ROBO2: variants seen among roughly 807,000 people sequenced by gnomAD.
ROBO2 encodes the protein roundabout guidance receptor 2, also known as roundabout homolog 2.
In ROBO2, 53 loss-of-function variants were observed where a neutral mutation model predicts 160.8. That is an observed-to-expected ratio of 0.33 (90% CI 0.26 to 0.41). ROBO2 has a LOEUF of 0.41. Among genes scored for constraint, ROBO2 ranks in the 10% least tolerant of loss-of-function variants. The probability of loss-of-function intolerance (pLI) is 1.00; values close to 1 mark genes in which losing one functional copy is unlikely to be tolerated. For synonymous variants in ROBO2, 664 were observed against 611.7 expected (o/e 1.09, Z -1.26); for missense variants, 1,577 against 1,722.4 (o/e 0.92, Z 1.49).
chr3:76,554,613 CCTTTA>C (rs1284294796), intron 2 of ROBO2, among the ~76,000 whole-genome samples: 3 of 151,750 alleles, frequency 2.0e-5, no homozygotes, highest in Admixed American at 1.3e-4. Context: ...CTCTCATCTT[CCTTTA>C]CTTTACTGTG....
At chr3:76,622,182 AAAAAAAAG>A (rs151225530) in intron 2 of ROBO2, among the ~76,000 whole-genome samples, 40,824 of 124,372 alleles carry the variant, frequency 0.33, 9,891 homozygotes, top group South Asian at 0.44. Flanking sequence ...CATATCTACT[AAAAAAAAG>A]AAAGGAAGGA....
At chr3:77,487,128 G>A (rs77304592) in intron 4 of ROBO2, among the ~76,000 whole-genome samples, 2,693 of 152,162 alleles carry the variant, frequency 0.018, 74 homozygotes, top group African/African-American at 0.059. Context: ...CAGAGATAAC[G>A]CTATGAGAGA....
At chr3:77,172,910 C>T (rs1346434595) in intron 2 of ROBO2, among the ~76,000 whole-genome samples, 2 of 152,198 alleles carry the variant, frequency 1.3e-5, no homozygotes, top group Non-Finnish European at 2.9e-5. Context: ...GAATTGTGAC[C>T]CTCCTACTTG....
chr3:77,123,291 AC>A (rs2074968319), intron 2 of ROBO2, among the ~76,000 whole-genome samples: 1 of 152,126 alleles, frequency 6.6e-6, no homozygotes, highest in South Asian at 2.1e-4. Flanking sequence ...AGACCTTATC[AC>A]CCAGGCAAAT....
chr3:77,522,310 G>GT (rs1227861061), intron 5 of ROBO2, among the ~76,000 whole-genome samples: 7 of 151,098 alleles, frequency 4.6e-5, no homozygotes, highest in African/African-American at 1.7e-4. Flanking sequence ...TGCCCATTTT[G>GT]TCAATTTGCC....
chr3:77,289,109 A>G (rs182809572), intron 2 of ROBO2, among the ~76,000 whole-genome samples: 30 of 152,302 alleles, frequency 2.0e-4, no homozygotes, highest in Non-Finnish European at 1.5e-5. Context: ...TGTGGATTGT[A>G]CAGTCTAGTG....
At position 76,962,335 on chromosome 3, in the gene ROBO2, A is replaced by C. The variant is rs377252875; in HGVS notation, c.110-135679A>C. 3.5e-4 allele frequency among the ~76,000 whole-genome samples: 53 copies of C among 152,022 alleles called. No homozygotes were observed. In the South Asian group the frequency reaches 3.7e-3, roughly 11 times the overall value. On this transcript the variant is annotated intron_variant, in intron 2 of 26. Coordinates refer to the ROBO2 transcript ENST00000487694. ...GGCAACAGAGCGAGATTCCATTAAA[A>C]AAACAAACAAACAAACAAAACCACT...
chr3:76,037,543 C>G (rs1252516188), intron 2 of ROBO2, among the ~76,000 whole-genome samples: 2 of 152,078 alleles, frequency 1.3e-5, no homozygotes, highest in Admixed American at 6.5e-5. Flanking sequence ...TGTTCATTTT[C>G]CAATCACTAT....
exon 22 of ROBO2, chr3:77,617,569 G>T (rs2153702962): frequency 6.2e-7 from 1 of 1,614,148 alleles, no homozygotes; most frequent in African/African-American, 1.3e-5. Flanking sequence ...TTACACCAAG[G>T]TCTGGAAGAT....
intron 2 of ROBO2, among the ~76,000 whole-genome samples, chr3:77,256,209 C>T (rs1332927712): frequency 1.3e-5 from 2 of 152,144 alleles, no homozygotes; most frequent in Non-Finnish European, 2.9e-5. Context: ...TATTACAGCA[C>T]ATGACAATAG....
chr3:76,727,342 G>T (rs559815266), intron 2 of ROBO2, among the ~76,000 whole-genome samples: 1 of 152,116 alleles, frequency 6.6e-6, no homozygotes. Context: ...CAGAAGCATA[G>T]AAATGGAAAT....
chr3:76,701,785 G>T (rs988721470), intron 2 of ROBO2, among the ~76,000 whole-genome samples: 4 of 151,014 alleles, frequency 2.6e-5, no homozygotes, highest in Non-Finnish European at 5.9e-5. Context: ...TTATAATTTT[G>T]GTTTAGATTT....
At chr3:76,945,550 G>T (rs2078479225) in intron 2 of ROBO2, among the ~76,000 whole-genome samples, 1 of 152,142 alleles carries the variant, frequency 6.6e-6, no homozygotes, top group African/African-American at 2.4e-5. Flanking sequence ...CTCCTTCTTT[G>T]AGAAACTTTA....
intron 2 of ROBO2, among the ~76,000 whole-genome samples, chr3:76,454,114 T>C (rs2077622953): frequency 1.3e-5 from 2 of 152,150 alleles, no homozygotes; most frequent in Non-Finnish European, 2.9e-5. Context: ...ATCTCACCCA[T>C]TCATTCATTC....
intron 2 of ROBO2, among the ~76,000 whole-genome samples, chr3:77,411,155 T>C (rs956102811): frequency 7.2e-5 from 11 of 152,098 alleles, no homozygotes; most frequent in Non-Finnish European, 1.5e-4. Flanking sequence ...AAAAATGGCA[T>C]CATTTTTAGG....
At chr3:76,696,062 C>T (rs1160079315) in intron 2 of ROBO2, among the ~76,000 whole-genome samples, 3 of 152,104 alleles carry the variant, frequency 2.0e-5, no homozygotes, top group Admixed American at 6.6e-5. Flanking sequence ...CCCTTGTGAT[C>T]TCTCATCAAA....
rs1270357690 is a variant in ROBO2 at position 76,854,652 on chromosome 3, T to C, written c.110-243362T>C. Among the ~76,000 whole-genome samples the C allele has an allele frequency of 3.3e-5, 5 of 152,208 alleles. No individual in the cohort carries two copies. The East Asian group carries it at 9.6e-4, about 29-fold the overall frequency. ...TGCAAATTTCTTCAAATGCCTCATC[T>C]TGTAGAAAATGCAAGGCCAAATATT... On this transcript the variant is annotated intron_variant, in intron 2 of 26. Transcript: ENST00000487694.
chr3:77,188,966 T>TGAGA (rs1446956096), intron 2 of ROBO2, among the ~76,000 whole-genome samples: 8 of 124,972 alleles, frequency 6.4e-5, no homozygotes, highest in African/African-American at 2.3e-4. Flanking sequence ...TGTGTGTGTG[T>TGAGA]GTGAGAGAGA....
At chr3:76,949,538 C>T (rs965319921) in intron 2 of ROBO2, among the ~76,000 whole-genome samples, 2 of 152,186 alleles carry the variant, frequency 1.3e-5, no homozygotes, top group Non-Finnish European at 2.9e-5. Context: ...TTTAAGGTGT[C>T]CAAGACCGAA....
Sources: allele counts gnomAD v4.1 joint callset (sites outside exome capture counted in the v4.1 genomes callset), GRCh38; gene constraint gnomAD v4.1.1; transcripts MANE v1.5; gene names NCBI Gene and HGNC (gene_info 2026-07-23, HGNC 2026-07-21).